The following SPAG16 variants were observed in gnomAD, a reference collection of about 807,000 sequenced individuals.
SPAG16 encodes the protein sperm-associated antigen 16 protein.
In SPAG16, 86 loss-of-function variants were observed where a neutral mutation model predicts 80.4. The observed-to-expected ratio is 1.07, with a 90% confidence interval of 0.90 to 1.28. The LOEUF (loss-of-function observed/expected upper bound fraction) is 1.28, where lower values mean the gene tolerates loss of function less well. Ranked by LOEUF, SPAG16 falls within the 50% of genes most tolerant of loss-of-function variation. The probability of loss-of-function intolerance (pLI) is 0.00; values close to 1 mark genes in which losing one functional copy is unlikely to be tolerated. For synonymous variants in SPAG16, 294 were observed against 265.9 expected (o/e 1.11, Z -1.03); for missense variants, 870 against 765.3 (o/e 1.14, Z -1.61).
At chr2:213,296,448 T>G (rs1349315473) in intron 2 of SPAG16, among the ~76,000 whole-genome samples, 2 of 152,200 alleles carry the variant, frequency 1.3e-5, no homozygotes, top group East Asian at 3.9e-4. Flanking sequence ...TTGTCAAGGA[T>G]TCCTAGATTC....
chr2:214,090,397 A>G (rs1382691723), intron 13 of SPAG16, among the ~76,000 whole-genome samples: 1 of 151,918 alleles, frequency 6.6e-6, no homozygotes, highest in Non-Finnish European at 1.5e-5. Context: ...CCACTACCGG[A>G]AAATAGACTG....
chr2:213,489,860 C>A, intron 9 of SPAG16, 103 bp from the exon 10 acceptor site: 1 of 913,058 alleles, frequency 1.1e-6, no homozygotes, highest in Non-Finnish European at 1.5e-6. Context: ...AAATTCTGGG[C>A]AAATATAATG....
chr2:214,360,970 G>C (rs531083947), intron 15 of SPAG16, among the ~76,000 whole-genome samples: 2 of 151,814 alleles, frequency 1.3e-5, no homozygotes, highest in Non-Finnish European at 2.9e-5. Flanking sequence ...CACAGCCTGG[G>C]ACAAGGTTCA....
chr2:213,482,441 T>C (rs1189977710), intron 9 of SPAG16, among the ~76,000 whole-genome samples: 1 of 152,236 alleles, frequency 6.6e-6, no homozygotes, highest in East Asian at 1.9e-4. Context: ...ATTAGTGCCA[T>C]GTGCTGGGTT....
At chr2:213,328,855 C>T (rs1206866058) in intron 5 of SPAG16, among the ~76,000 whole-genome samples, 6 of 152,144 alleles carry the variant, frequency 3.9e-5, no homozygotes, top group African/African-American at 1.4e-4. Flanking sequence ...ATCTTGAATT[C>T]CCACGTGTTG....
At chr2:214,244,025 T>G (rs1346609486) in intron 15 of SPAG16, among the ~76,000 whole-genome samples, 1 of 152,102 alleles carries the variant, frequency 6.6e-6, no homozygotes, top group Non-Finnish European at 1.5e-5. Flanking sequence ...ATTTATAAAT[T>G]CTTATATAAG....
At chr2:214,206,520 G>A (rs1246786313) in intron 15 of SPAG16, among the ~76,000 whole-genome samples, 1 of 152,104 alleles carries the variant, frequency 6.6e-6, no homozygotes, top group Non-Finnish European at 1.5e-5. Context: ...CTGTTCATCT[G>A]TTGATGGACA....
At chr2:213,613,126 C>G (rs2061491195) in intron 10 of SPAG16, among the ~76,000 whole-genome samples, 1 of 152,082 alleles carries the variant, frequency 6.6e-6, no homozygotes, top group Non-Finnish European at 1.5e-5. Flanking sequence ...ACTTATAGTC[C>G]AAGCTATTAT....
At chr2:213,912,977 C>G (rs1241780865) in intron 11 of SPAG16, among the ~76,000 whole-genome samples, 5 of 152,150 alleles carry the variant, frequency 3.3e-5, no homozygotes, top group African/African-American at 1.2e-4. Context: ...CATTCCCCTA[C>G]TTAGCACCTA....
intron 15 of SPAG16, among the ~76,000 whole-genome samples, chr2:214,177,916 C>CATATATATATATATATATATATAT (rs10622953): frequency 1.1e-5 from 1 of 92,204 alleles, no homozygotes; most frequent in African/African-American, 4.6e-5. Flanking sequence ...TATATATATA[C>CATATATATATATATATATATATAT]ATATATATAT....
intron 11 of SPAG16, among the ~76,000 whole-genome samples, chr2:213,897,315 A>G (rs553777114): frequency 6.6e-6 from 1 of 152,286 alleles, no homozygotes; most frequent in East Asian, 1.9e-4. Flanking sequence ...TGGAATATCA[A>G]TACCCCTTCA....
At chr2:214,234,869 CCACA>C (rs368175688) in intron 15 of SPAG16, among the ~76,000 whole-genome samples, 1 of 151,290 alleles carries the variant, frequency 6.6e-6, no homozygotes. Flanking sequence ...TGTACATGTA[CCACA>C]CACACACACA....
chr2:214,344,993 C>A (rs1697963625), intron 15 of SPAG16, among the ~76,000 whole-genome samples: 1 of 152,006 alleles, frequency 6.6e-6, no homozygotes, highest in Non-Finnish European at 1.5e-5. Flanking sequence ...ACCCATTTAT[C>A]AATTTTTATT....
At chr2:213,854,709 C>A (rs376514113) in intron 10 of SPAG16, among the ~76,000 whole-genome samples, 1 of 152,318 alleles carries the variant, frequency 6.6e-6, no homozygotes, top group East Asian at 1.9e-4. Flanking sequence ...TGACAAAATT[C>A]TTGATAAGGA....
chr2:213,702,999 A>G (rs994168569), intron 10 of SPAG16, among the ~76,000 whole-genome samples: 1 of 152,176 alleles, frequency 6.6e-6, no homozygotes, highest in Non-Finnish European at 1.5e-5. Flanking sequence ...TGTGAAACTC[A>G]GGTGTGCTCA....
chr2:213,519,344 T>A (rs181351812), intron 10 of SPAG16, among the ~76,000 whole-genome samples: 127 of 152,318 alleles, frequency 8.3e-4, no homozygotes, highest in African/African-American at 2.7e-3. Flanking sequence ...TGAATTGTAC[T>A]CCCATAATTC....
At chr2:213,991,528 A>G (rs1223903245) in intron 12 of SPAG16, among the ~76,000 whole-genome samples, 1 of 151,976 alleles carries the variant, frequency 6.6e-6, no homozygotes, top group Non-Finnish European at 1.5e-5. Context: ...CTCACATTCC[A>G]TTTATTCATC....
At chr2:213,641,825 A>G (rs1310552023) in intron 10 of SPAG16, among the ~76,000 whole-genome samples, 1 of 152,186 alleles carries the variant, frequency 6.6e-6, no homozygotes, top group Non-Finnish European at 1.5e-5. Flanking sequence ...ACAGTTCCAC[A>G]TGGCTGGGGA....
intron 6 of SPAG16, among the ~76,000 whole-genome samples, chr2:213,349,634 A>G (rs575892778): frequency 5.5e-4 from 83 of 152,264 alleles, no homozygotes; most frequent in Non-Finnish European, 8.5e-4. Flanking sequence ...GCCCAAACTA[A>G]AATCCACTCA....
Sources: gnomAD v4.1 joint callset for allele counts (sites outside exome capture counted in the v4.1 genomes callset) on GRCh38, gnomAD v4.1.1 for gene constraint, MANE v1.5 for transcripts, NCBI Gene and HGNC (gene_info 2026-07-23, HGNC 2026-07-21) for gene names.